TGFBR3: variants seen among roughly 807,000 people sequenced by gnomAD.
TGFBR3 encodes the protein transforming growth factor beta receptor 3, also known as transforming growth factor beta receptor type 3.
A neutral mutation model predicts 87.9 loss-of-function variants in TGFBR3; 46 were observed. That is an observed-to-expected ratio of 0.52 (90% CI 0.41 to 0.67). TGFBR3 has a LOEUF of 0.67. Ranked by LOEUF, TGFBR3 falls within the 30% of genes least tolerant of loss-of-function variation. TGFBR3 has a pLI of 0.00. For missense variants in TGFBR3, 866 were observed against 1,041.9 expected, an observed-to-expected ratio of 0.83 and a Z score of 2.32; for synonymous variants, 381 against 391.6, an observed-to-expected ratio of 0.97 and a Z score of 0.32.
At chr1:91,798,660 T>C (rs1002825594) in intron 2 of TGFBR3, among the ~76,000 whole-genome samples, 4 of 152,244 alleles carry the variant, frequency 2.6e-5, no homozygotes, top group Non-Finnish European at 5.9e-5. Flanking sequence ...TCCATCTTTA[T>C]TGGTCGAATG....
At chr1:91,788,560 A>G (rs1370032383) in intron 3 of TGFBR3, among the ~76,000 whole-genome samples, 1 of 152,256 alleles carries the variant, frequency 6.6e-6, no homozygotes, top group Non-Finnish European at 1.5e-5. Context: ...AATGCAATAA[A>G]TACTTCTGCA....
chr1:91,758,315 G>C (rs1673822116), intron 4 of TGFBR3, among the ~76,000 whole-genome samples: 1 of 152,028 alleles, frequency 6.6e-6, no homozygotes, highest in Non-Finnish European at 1.5e-5. Context: ...TGCCACAAGG[G>C]GGGTTTCAGA....
chr1:91,861,737 T>G, intron 1 of TGFBR3, 93 bp from the exon 2 acceptor site: 3 of 611,498 alleles, frequency 4.9e-6, no homozygotes, highest in Non-Finnish European at 8.9e-6. Flanking sequence ...AAAAGCGTAA[T>G]GTAAGAAATT....
At chr1:91,876,986 G>T (rs1005374856) in intron 1 of TGFBR3, among the ~76,000 whole-genome samples, 82 of 152,000 alleles carry the variant, frequency 5.4e-4, no homozygotes, top group African/African-American at 1.9e-3. Flanking sequence ...GAAACAGACT[G>T]CTTTTTCCTG....
rs767725174 is a variant in TGFBR3 at position 91,727,819 on chromosome 1, G to A, written c.738-13C>T. The stretch of plus-strand genomic sequence containing the variant: ...CACCTGGAAAGCACTGTGAATGGAA[G>A]ACAAAGGCAAAGTTAAGACCTACAT... On this transcript the variant is annotated splice_polypyrimidine_tract_variant and intron_variant, in intron 6 of 16. Coordinates refer to ENST00000212355, the MANE Select transcript of TGFBR3 (RefSeq NM_003243.5). 1.4e-5 allele frequency: 22 copies of A among 1,613,350 alleles called. No homozygotes were observed. The highest frequency in any genetic ancestry group is 1.7e-5 in the Non-Finnish European group (20 of 1,179,948).
At chr1:91,772,116 G>A (rs977606708) in intron 3 of TGFBR3, among the ~76,000 whole-genome samples, 2 of 152,196 alleles carry the variant, frequency 1.3e-5, no homozygotes, top group Admixed American at 1.3e-4. Flanking sequence ...AATGAGCCTT[G>A]AAAGCCAAGC....
chr1:91,849,596 C>T lies in TGFBR3; in HGVS notation c.61+11875G>A, dbSNP rs1677639174. 2.6e-5 allele frequency among the ~76,000 whole-genome samples: 4 copies of T among 152,180 alleles called. No individual in the cohort carries two copies. In the South Asian group the frequency reaches 8.3e-4, roughly 32 times the overall value. On this transcript the variant is annotated intron_variant, in intron 2 of 16. Coordinates refer to ENST00000212355, the MANE Select transcript of TGFBR3 (RefSeq NM_003243.5). Reference sequence around the variant, plus strand: ...CCTCTTTGCTTTTTATTCGACGAACCTGCTGATATATGCATTTTGTTTGTT... The same window carrying T: ...CCTCTTTGCTTTTTATTCGACGAACTTGCTGATATATGCATTTTGTTTGTT...
rs1678674782 is a variant in TGFBR3 at position 91,873,628 on chromosome 1, G to GCA, written c.-113-11986_-113-11985dup. 2.0e-5 allele frequency among the ~76,000 whole-genome samples: 3 copies of GCA among 152,052 alleles called. No homozygotes were observed. The South Asian group carries it at 6.2e-4, about 32-fold the overall frequency. ...ATTTTCCCTTTTTAATGCCCTGAGT[G>GCA]CACCTATAACTGGGGCTATAAGAAA... On this transcript the variant is annotated intron_variant, in intron 1 of 16. Coordinates refer to ENST00000212355, the MANE Select transcript of TGFBR3 (RefSeq NM_003243.5).
chr1:91,683,837 G>A lies in TGFBR3; in HGVS notation c.2458C>T (p.Gln820Ter). The change falls in exon 17 of 17, where the codon CAA becomes TAA. Residue 820 changes from glutamine (Q) to a stop codon, truncating the protein, a stop_gained. Transcript: ENST00000212355. LOFTEE classifies it high-confidence loss of function. ...GAGGCTGGCGGGGAGGTGGGGACTTGCTGCCTTCCTGCTGTCTCCCCTGCA... is the reference window on the plus strand; with the variant it reads ...GAGGCTGGCGGGGAGGTGGGGACTTACTGCCTTCCTGCTGTCTCCCCTGCA... Reference protein sequence around the residue: ...SHTGETAGRQQVPTSPPASEN... With the variant: ...SHTGETAGRQ 6.2e-7 allele frequency: 1 copy of A among 1,603,954 alleles called. No homozygotes were observed. Among genetic ancestry groups the A allele is most frequent in the Non-Finnish European group, 8.5e-7 (1 of 1,175,388 alleles).
At position 91,683,007 on chromosome 1, in the gene TGFBR3, A is replaced by G. The variant is rs985375547; in HGVS notation, c.*732T>C. On this transcript the variant is annotated 3_prime_UTR_variant, in exon 17 of 17. Coordinates refer to ENST00000212355, the MANE Select transcript of TGFBR3 (RefSeq NM_003243.5). ...TTTTCAATTTCTGTAGGCCTGTAAG[A>G]AATACAAAATTTGCATTAAGACATT... 1 of 454,550 alleles carries G rather than the reference A, an allele frequency of 2.2e-6. No individual in the cohort carries two copies. Among genetic ancestry groups the G allele is most frequent in the Non-Finnish European group, 4.4e-6 (1 of 226,798 alleles). 28.2% of individuals were successfully genotyped at this position (454,550 alleles called of 1,614,324 possible). A position where few individuals can be genotyped will look rare whatever the true frequency, so the allele number is the denominator to read the frequency against.
At chr1:91,732,840 G>A (rs1033015899) in intron 5 of TGFBR3, among the ~76,000 whole-genome samples, 11 of 152,124 alleles carry the variant, frequency 7.2e-5, no homozygotes, top group Admixed American at 3.3e-4. Flanking sequence ...GTGACAACCC[G>A]TGGCTCTCAG....
chr1:91,849,254 T>C (rs1677624648), intron 2 of TGFBR3, among the ~76,000 whole-genome samples: 1 of 152,176 alleles, frequency 6.6e-6, no homozygotes, highest in Non-Finnish European at 1.5e-5. Context: ...AACTCTCCAA[T>C]GGCTCAGTGT....
At chr1:91,778,553 A>C (rs1275722230) in intron 3 of TGFBR3, among the ~76,000 whole-genome samples, 3 of 152,222 alleles carry the variant, frequency 2.0e-5, no homozygotes, top group East Asian at 3.8e-4. Context: ...ATACATACCA[A>C]TATCAATAAC....
chr1:91,712,189 T>C (rs1672003832), intron 13 of TGFBR3, 54 bp downstream of exon 13: 1 of 1,552,686 alleles, frequency 6.4e-7, no homozygotes, highest in African/African-American at 1.4e-5. Flanking sequence ...TAAACTTTTC[T>C]GCCTCACCTA....
intron 2 of TGFBR3, among the ~76,000 whole-genome samples, chr1:91,860,336 T>C (rs1276250856): frequency 6.6e-6 from 1 of 152,206 alleles, no homozygotes; most frequent in Non-Finnish European, 1.5e-5. Context: ...ATCACTCTCA[T>C]CTGTATGTGC....
intron 1 of TGFBR3, among the ~76,000 whole-genome samples, chr1:91,875,660 G>A (rs1416145806): frequency 6.6e-6 from 1 of 151,876 alleles, no homozygotes; most frequent in African/African-American, 2.4e-5. Context: ...GGCTGAGGCA[G>A]GCAGATCACC....
rs113251819 is a variant in TGFBR3, at chr1:91,771,532, G to A, written c.247-12782C>T. On this transcript the variant is annotated intron_variant, in intron 3 of 16. Coordinates refer to ENST00000212355, the MANE Select transcript of TGFBR3 (RefSeq NM_003243.5). ...ATCTTGGCTAACACGGTGAAACCCC[G>A]TCTCTACTAAAAAATACAAAAAAAT... is the stretch of plus-strand genomic sequence containing the variant. Among the ~76,000 whole-genome samples, 108 of 151,822 alleles carry A rather than the reference G, an allele frequency of 7.1e-4. 1 individual carries two copies. Among genetic ancestry groups the A allele is most frequent in the African/African-American group, 2.5e-3 (103 of 41,422 alleles).
At chr1:91,804,494 C>G (rs1206587122) in intron 2 of TGFBR3, among the ~76,000 whole-genome samples, 1 of 152,164 alleles carries the variant, frequency 6.6e-6, no homozygotes, top group Non-Finnish European at 1.5e-5. Context: ...TCCCCCTTGG[C>G]CTCATAGTGG....
chr1:91,859,505 C>A (rs1678092713), intron 2 of TGFBR3, among the ~76,000 whole-genome samples: 1 of 151,714 alleles, frequency 6.6e-6, no homozygotes, highest in African/African-American at 2.4e-5. Context: ...GGCTAAAAGG[C>A]AAATAGCACT....
Sources: gnomAD v4.1 joint callset for allele counts (sites outside exome capture counted in the v4.1 genomes callset) on GRCh38, gnomAD v4.1.1 for gene constraint, MANE v1.5 for transcripts, NCBI Gene and HGNC (gene_info 2026-07-23, HGNC 2026-07-21) for gene names.